ESRRG: variants seen among roughly 807,000 people sequenced by gnomAD.
The protein encoded by ESRRG is estrogen-related receptor gamma.
Under a neutral mutation model 44.0 loss-of-function variants are expected in ESRRG, and 13 were observed. The observed-to-expected ratio is 0.30, with a 90% CI of 0.19 to 0.47. ESRRG has a LOEUF of 0.47. Ranked by LOEUF, ESRRG falls within the 20% of genes least tolerant of loss-of-function variation. The pLI, the probability that ESRRG is intolerant of heterozygous loss-of-function variation, is 1.00. For missense variants in ESRRG, 395 were observed against 580.6 expected, an observed-to-expected ratio of 0.68 and a Z score of 3.29; for synonymous variants, 215 against 214.6, an observed-to-expected ratio of 1.00 and a Z score of -0.02.
At chr1:217,018,323 T>A (rs2079744926) in intron 1 of ESRRG, among the ~76,000 whole-genome samples, 1 of 151,946 alleles carries the variant, frequency 6.6e-6, no homozygotes, top group Admixed American at 6.6e-5. Context: ...CCAAATATGA[T>A]GACAGTCTCC....
At chr1:217,048,741 C>T (rs913463986) in intron 1 of ESRRG, among the ~76,000 whole-genome samples, 2 of 152,134 alleles carry the variant, frequency 1.3e-5, no homozygotes, top group Admixed American at 6.5e-5. Flanking sequence ...TCAGAACTTA[C>T]GAGGAAAATC....
intron 1 of ESRRG, among the ~76,000 whole-genome samples, chr1:216,693,986 G>A (rs2079595591): frequency 6.6e-6 from 1 of 152,084 alleles, no homozygotes; most frequent in African/African-American, 2.4e-5. Context: ...GTGAAATAAA[G>A]CATTAAGCAT....
upstream of ESRRG, among the ~76,000 whole-genome samples, chr1:216,725,816 T>C (rs963579491): frequency 2.0e-5 from 3 of 152,162 alleles, no homozygotes; most frequent in Non-Finnish European, 4.4e-5. Context: ...CATTCCGATT[T>C]TGCACCGGTG....
At chr1:216,567,922 G>A in intron 4 of ESRRG, 66 bp downstream of exon 4, 2 of 1,010,442 alleles carry the variant, frequency 2.0e-6, no homozygotes, top group Admixed American at 3.4e-5. Context: ...TGCCAAAGCT[G>A]ATGTACATAG....
chr1:216,854,349 C>T (rs2095886859), intron 2 of ESRRG, among the ~76,000 whole-genome samples: 2 of 64,068 alleles, frequency 3.1e-5, no homozygotes, highest in South Asian at 5.8e-4. Flanking sequence ...GAGCAAGACA[C>T]CATCAAAAAA....
chr1:216,677,470 G>T lies in ESRRG; in HGVS notation c.78C>A (p.Asn26Lys), dbSNP rs749396484. 1 of 1,610,534 alleles carries T rather than the reference G, an allele frequency of 6.2e-7. No individual in the cohort carries two copies. The highest frequency in any genetic ancestry group is 1.1e-5 in the South Asian group (1 of 90,762). ...YEEELLCRMS[N>K]KDRHIDSSCS... ...AGCTGGAATCAATGTGTCGATCTTT[G>T]TTTGACATTCTGCAGAGAAGCCTGA... The change falls in exon 2 of 7, where the codon AAC (asparagine) becomes AAA (lysine). Residue 26 changes from asparagine to lysine, a missense_variant. Physicochemically the swap from Asn to Lys is moderately conservative, Grantham distance 94. This residue lies in a region of ESRRG where 148 missense variants were observed against 150.4 expected (regional missense o/e 0.98). Coordinates refer to ENST00000408911, the MANE Select transcript of ESRRG (RefSeq NM_001438.4).
intron 1 of ESRRG, among the ~76,000 whole-genome samples, chr1:216,998,946 T>C (rs1347487120): frequency 1.3e-5 from 2 of 152,226 alleles, no homozygotes; most frequent in Non-Finnish European, 2.9e-5. Flanking sequence ...ATATAACCCA[T>C]GAACCATAGG....
chr1:216,771,346 TA>T (rs1351814818), intron 2 of ESRRG, among the ~76,000 whole-genome samples: 1 of 152,156 alleles, frequency 6.6e-6, no homozygotes, highest in Admixed American at 6.6e-5. Context: ...ATTGGAAAAT[TA>T]AAATTAGGCA....
intron 1 of ESRRG, among the ~76,000 whole-genome samples, chr1:217,071,173 C>G (rs2090507659): frequency 1.3e-5 from 2 of 152,116 alleles, no homozygotes. Flanking sequence ...ATTGTGATTG[C>G]CTTCCATGTT....
intron 1 of ESRRG, among the ~76,000 whole-genome samples, chr1:216,984,592 G>A (rs1333875592): frequency 6.6e-6 from 1 of 152,182 alleles, no homozygotes; most frequent in Non-Finnish European, 1.5e-5. Flanking sequence ...GATGGCCCAG[G>A]TGTCCATAAA....
intron 1 of ESRRG, among the ~76,000 whole-genome samples, chr1:216,959,116 A>T (rs1459202901): frequency 6.7e-6 from 1 of 149,652 alleles, no homozygotes. Context: ...CCTTCCTATT[A>T]TTTATAGTTT....
chr1:216,958,351 T>A (rs2068367385), intron 1 of ESRRG, among the ~76,000 whole-genome samples: 1 of 152,154 alleles, frequency 6.6e-6, no homozygotes, highest in Non-Finnish European at 1.5e-5. Context: ...AACTGCCTAT[T>A]TTTCAAAGTG....
intron 2 of ESRRG, among the ~76,000 whole-genome samples, chr1:216,762,427 TC>T (rs1380202380): frequency 6.6e-6 from 1 of 151,468 alleles, no homozygotes; most frequent in African/African-American, 2.4e-5. Context: ...AAATTGGAAA[TC>T]ATCATTCTCA....
intron 3 of ESRRG, among the ~76,000 whole-genome samples, chr1:216,593,715 G>A (rs778414299): frequency 6.6e-6 from 1 of 152,156 alleles, no homozygotes; most frequent in Non-Finnish European, 1.5e-5. Context: ...AATAATTCTA[G>A]GATTTATTCC....
chr1:216,855,643 A>G (rs1474323605), intron 2 of ESRRG, among the ~76,000 whole-genome samples: 5 of 152,134 alleles, frequency 3.3e-5, no homozygotes, highest in Non-Finnish European at 5.9e-5. Flanking sequence ...TGGAAGGAAG[A>G]GTCCTCTCTG....
At chr1:217,038,301 T>A (rs937040575) in intron 1 of ESRRG, among the ~76,000 whole-genome samples, 3 of 152,240 alleles carry the variant, frequency 2.0e-5, no homozygotes, top group African/African-American at 4.8e-5. Context: ...ATACCTCCTA[T>A]GAAATCTAGG....
At chr1:216,874,839 A>C (rs947614353) in intron 2 of ESRRG, among the ~76,000 whole-genome samples, 2 of 152,174 alleles carry the variant, frequency 1.3e-5, no homozygotes, top group Non-Finnish European at 2.9e-5. Context: ...GGAAGAGCAG[A>C]CTTGCTGAGT....
intron 2 of ESRRG, among the ~76,000 whole-genome samples, chr1:216,749,146 T>C (rs1006032132): frequency 2.2e-4 from 13 of 58,646 alleles, no homozygotes; most frequent in African/African-American, 4.6e-4. Flanking sequence ...GGTGTCTAAA[T>C]ATTTTTTTTT....
At chr1:217,112,881 G>A (rs1018323430) in intron 1 of ESRRG, among the ~76,000 whole-genome samples, 1 of 152,198 alleles carries the variant, frequency 6.6e-6, no homozygotes, top group Non-Finnish European at 1.5e-5. Context: ...GACCCTCTCT[G>A]TGAATCAAGA....
Sources: gnomAD v4.1 joint callset for allele counts (sites outside exome capture counted in the v4.1 genomes callset) on GRCh38, gnomAD v4.1.1 for gene constraint, gnomAD v4.1.1 regional missense constraint, MANE v1.5 for transcripts, NCBI Gene and HGNC (gene_info 2026-07-23, HGNC 2026-07-21) for gene names.